The following IPO11 variants were observed in gnomAD, a reference collection of about 807,000 sequenced individuals.
IPO11 encodes the protein importin 11, also known as importin-11.
IPO11 carries 66 observed loss-of-function variants against 143.2 expected under a neutral mutation model. That is an observed-to-expected ratio of 0.46 (90% CI 0.38 to 0.57). IPO11 has a LOEUF of 0.57. Among genes scored for constraint, IPO11 ranks in the 20% least tolerant of loss-of-function variants. The pLI, the probability that IPO11 is intolerant of heterozygous loss-of-function variation, is 0.00. For synonymous variants in IPO11, 385 were observed against 377.8 expected (o/e 1.02, Z -0.22); for missense variants, 1,026 against 1,141.0 (o/e 0.90, Z 1.45).
chr5:62,438,048 T>C (rs1744304160), intron 2 of IPO11, among the ~76,000 whole-genome samples: 1 of 152,238 alleles, frequency 6.6e-6, no homozygotes, highest in African/African-American at 2.4e-5. Flanking sequence ...AATTGAGAAC[T>C]CTGATTAGTG....
At chr5:62,458,593 GC>G (rs1380614436) in intron 5 of IPO11, among the ~76,000 whole-genome samples, 2 of 152,146 alleles carry the variant, frequency 1.3e-5, no homozygotes, top group African/African-American at 4.8e-5. Context: ...GAGCCACTGC[GC>G]CCCGCCTATA....
chr5:62,477,804 T>G (rs1746012618), intron 9 of IPO11, among the ~76,000 whole-genome samples: 1 of 152,172 alleles, frequency 6.6e-6, no homozygotes. Flanking sequence ...TTCTTTCAAC[T>G]CTTTCTTAAG....
chr5:62,626,897 TG>T (rs1561393787), intron 29 of IPO11, among the ~76,000 whole-genome samples: 1 of 152,186 alleles, frequency 6.6e-6, no homozygotes, highest in Admixed American at 6.5e-5. Context: ...TTTAAATGAA[TG>T]AGTCCCCCAG....
intron 29 of IPO11, among the ~76,000 whole-genome samples, chr5:62,626,344 T>A (rs916800167): frequency 9.2e-5 from 14 of 152,152 alleles, no homozygotes; most frequent in African/African-American, 3.4e-4. Context: ...TTTCCAAATA[T>A]ACATGGTACA....
chr5:62,427,562 A>T (rs1016868512), intron 1 of IPO11, among the ~76,000 whole-genome samples: 1 of 152,196 alleles, frequency 6.6e-6, no homozygotes, highest in Non-Finnish European at 1.5e-5. Flanking sequence ...AGTGAGCATT[A>T]CTACCTGAGG....
At chr5:62,599,197 G>C (rs1373279405) in intron 28 of IPO11, among the ~76,000 whole-genome samples, 2 of 152,234 alleles carry the variant, frequency 1.3e-5, no homozygotes, top group African/African-American at 2.4e-5. Context: ...ACTCAAGTTT[G>C]AGAATCGCTG....
chr5:62,607,045 T>G (rs1463536104), intron 29 of IPO11, among the ~76,000 whole-genome samples: 1 of 152,200 alleles, frequency 6.6e-6, no homozygotes, highest in Non-Finnish European at 1.5e-5. Flanking sequence ...GGCTCAAGGA[T>G]GGAGAACAGT....
chr5:62,502,943 C>T (rs1405115378), intron 16 of IPO11, among the ~76,000 whole-genome samples: 2 of 152,132 alleles, frequency 1.3e-5, no homozygotes, highest in African/African-American at 4.8e-5. Flanking sequence ...GTGCCCCAGT[C>T]TCCTGAGTAG....
At chr5:62,429,197 A>G (rs1288539133) in intron 1 of IPO11, among the ~76,000 whole-genome samples, 1 of 152,062 alleles carries the variant, frequency 6.6e-6, no homozygotes, top group African/African-American at 2.4e-5. Context: ...CTAGGGAACC[A>G]CTTAATCTAC....
At chr5:62,555,395 A>G (rs916612061) in intron 26 of IPO11, among the ~76,000 whole-genome samples, 2 of 151,980 alleles carry the variant, frequency 1.3e-5, no homozygotes, top group Non-Finnish European at 2.9e-5. Context: ...GCTCACTGCA[A>G]CCGCAAACTC....
intron 9 of IPO11, among the ~76,000 whole-genome samples, chr5:62,478,992 T>A (rs1746076286): frequency 6.6e-6 from 1 of 152,202 alleles, no homozygotes; most frequent in Non-Finnish European, 1.5e-5. Context: ...AATGTGCAGA[T>A]TTGTTACATA....
intron 1 of IPO11, among the ~76,000 whole-genome samples, chr5:62,429,708 C>G (rs770230368): frequency 2.0e-5 from 3 of 152,076 alleles, no homozygotes; most frequent in Admixed American, 6.6e-5. Context: ...ACTGCAACCT[C>G]TGCCTCCCGG....
chr5:62,449,978 C>T lies in IPO11; in HGVS notation c.291C>T (p.Asn97=), dbSNP rs965577059. Reference sequence around the variant, plus strand: ...CTCTGCGTGCAGGGCTCATCACCAACTTCAATGAACCAATAAACCAGGTTA... The same window carrying T: ...CTCTGCGTGCAGGGCTCATCACCAATTTCAATGAACCAATAAACCAGGTTA... The part of the protein sequence containing the change: ...KTTLRAGLIT[N]FNEPINQIAT... Residue 97 remains asparagine, a synonymous_variant, in exon 4 of 30, where the codon AAC becomes AAT. Transcript: ENST00000325324. 1.0e-5 allele frequency: 16 copies of T among 1,598,376 alleles called. No individual in the cohort carries two copies. The highest frequency in any genetic ancestry group is 1.2e-5 in the Non-Finnish European group (14 of 1,173,608).
chr5:62,464,639 G>A (rs1391595189), intron 5 of IPO11, among the ~76,000 whole-genome samples: 4 of 151,766 alleles, frequency 2.6e-5, no homozygotes, highest in Non-Finnish European at 4.4e-5. Flanking sequence ...ACCATGCCTG[G>A]TTAATTTTTT....
chr5:62,483,982 A>G (rs1277612340), intron 10 of IPO11, 28 bp from the exon 11 acceptor site: 3 of 1,578,876 alleles, frequency 1.9e-6, no homozygotes, highest in East Asian at 2.3e-5. Context: ...TTGGCTATAC[A>G]ATTAACTTGG....
At chr5:62,426,921 TTTTC>T (rs1743762711) in intron 1 of IPO11, among the ~76,000 whole-genome samples, 1 of 147,574 alleles carries the variant, frequency 6.8e-6, no homozygotes. Context: ...TGCACTTCTT[TTTTC>T]TTTCTGTTTT....
At chr5:62,549,391 A>G (rs2112346295) in intron 24 of IPO11, among the ~76,000 whole-genome samples, 1 of 152,290 alleles carries the variant, frequency 6.6e-6, no homozygotes, top group South Asian at 2.1e-4. Flanking sequence ...TGATGGTCGT[A>G]ATTTTTGGAG....
chr5:62,464,668 C>T (rs1745506385), intron 5 of IPO11, among the ~76,000 whole-genome samples: 1 of 151,794 alleles, frequency 6.6e-6, no homozygotes, highest in Non-Finnish European at 1.5e-5. Flanking sequence ...TTTATAGAGA[C>T]CGTGTTTCGC....
At chr5:62,562,156 G>C (rs978616445) in intron 27 of IPO11, 4 of 152,268 alleles carry the variant, frequency 2.6e-5, no homozygotes, top group Non-Finnish European at 4.4e-5. Flanking sequence ...TATATTCTCA[G>C]GTCACCACCT....
Sources: gnomAD v4.1 joint callset for allele counts (sites outside exome capture counted in the v4.1 genomes callset) on GRCh38, gnomAD v4.1.1 for gene constraint, MANE v1.5 for transcripts, NCBI Gene and HGNC (gene_info 2026-07-23, HGNC 2026-07-21) for gene names.